Variants in PCDHA11 observed in about 807,000 individuals in gnomAD.
PCDHA11 encodes the protein protocadherin alpha-11.
PCDHA11 carries 61 observed loss-of-function variants against 70.3 expected under a neutral mutation model. The observed-to-expected ratio is 0.87, with a 90% CI of 0.71 to 1.07. The LOEUF (loss-of-function observed/expected upper bound fraction) is 1.07. Among genes scored for constraint, PCDHA11 ranks in the 50% least tolerant of loss-of-function variants. The pLI is 0.00. For missense variants in PCDHA11, 1,324 were observed against 1,237.5 expected (o/e 1.07, Z -1.05); for synonymous variants, 633 against 555.1 (o/e 1.14, Z -1.97).
intron 1 of PCDHA11, among the ~76,000 whole-genome samples, chr5:140,934,604 G>C (rs1389000917): frequency 6.6e-6 from 1 of 151,762 alleles, no homozygotes; most frequent in Non-Finnish European, 1.5e-5. Context: ...TCAACTATTT[G>C]ATTAGCCTGA....
At chr5:140,927,064 C>T (rs1409465902) in intron 1 of PCDHA11, 2 of 1,611,234 alleles carry the variant, frequency 1.2e-6, no homozygotes, top group Admixed American at 1.7e-5. Flanking sequence ...CTTTCGCTTC[C>T]TTTCCAGCCA....
chr5:140,920,612 G>A (rs1389841013), intron 1 of PCDHA11, among the ~76,000 whole-genome samples: 3 of 152,092 alleles, frequency 2.0e-5, no homozygotes, highest in Non-Finnish European at 2.9e-5. Flanking sequence ...TTGGGAGGCC[G>A]AGGCGGATGG....
intron 3 of PCDHA11, among the ~76,000 whole-genome samples, chr5:141,002,161 G>T (rs1554258540): frequency 6.6e-6 from 1 of 152,208 alleles, no homozygotes; most frequent in Non-Finnish European, 1.5e-5. Flanking sequence ...CAGAGTGGGC[G>T]GTAGGCAGGC....
chr5:140,969,418 TTAACAG>T (rs782375088), intron 1 of PCDHA11: 40 of 1,564,272 alleles, frequency 2.6e-5, no homozygotes, highest in Non-Finnish European at 3.4e-5. Context: ...TATTGAGTCA[TTAACAG>T]TGACAAGAGT....
intron 1 of PCDHA11, chr5:140,928,400 C>G: frequency 6.2e-7 from 1 of 1,614,038 alleles, no homozygotes; most frequent in Non-Finnish European, 8.5e-7. Flanking sequence ...GTGGAATCAT[C>G]CAGTGGGGCC....
At chr5:140,871,659 T>C (rs2153275031) in intron 1 of PCDHA11, 165 bp downstream of exon 1, 1 of 1,218,398 alleles carries the variant, frequency 8.2e-7, no homozygotes, top group Non-Finnish European at 1.1e-6. Context: ...GATACACATC[T>C]TCAGTCTTTT....
intron 3 of PCDHA11, among the ~76,000 whole-genome samples, chr5:141,006,105 G>GTT (rs79904017): frequency 1.9e-4 from 27 of 143,364 alleles, no homozygotes; most frequent in Middle Eastern, 3.8e-3. Flanking sequence ...ATGGTAAGGA[G>GTT]TTTTTTTTTT....
intron 1 of PCDHA11, chr5:140,884,310 G>C (rs1562802595): frequency 1.2e-6 from 2 of 1,613,792 alleles, no homozygotes; most frequent in African/African-American, 2.7e-5. Context: ...GCTTCGTCGA[G>C]GGCGTCGGCA....
intron 1 of PCDHA11, among the ~76,000 whole-genome samples, chr5:140,966,046 G>A (rs1329363755): frequency 6.6e-6 from 1 of 152,212 alleles, no homozygotes. Context: ...CCCATCGCCA[G>A]TAACCCCAGA....
rs145229632 is a variant in PCDHA11 at position 140,928,096 on chromosome 5, C to A, written c.2392-50853C>A. ...CTACTACAGCCTGCTGATTGATGGG[C>A]CCCTGGACCGGGAGCAGATCAGTGA... On this transcript the variant is annotated intron_variant, in intron 1 of 3. Coordinates refer to ENST00000398640, the MANE Select transcript of PCDHA11 (RefSeq NM_018902.5). 3.5e-5 allele frequency: 57 copies of A among 1,614,052 alleles called. No homozygotes were observed. In the African/African-American group the frequency reaches 6.8e-4, roughly 19 times the overall value.
At chr5:140,926,557 C>G (rs2083347198) in intron 1 of PCDHA11, 1 of 241,254 alleles carries the variant, frequency 4.1e-6, no homozygotes. Context: ...GACCCCAGCC[C>G]GCTGCTACTG....
intron 1 of PCDHA11, chr5:140,966,883 T>A (rs155364): frequency 0.52 from 832,487 of 1,587,228 alleles, 220,297 homozygotes; most frequent in African/African-American, 0.71. Flanking sequence ...TACCTGGCCC[T>A]GCGGCCTCCC....
chr5:140,925,947 G>A (rs1447488918), intron 1 of PCDHA11, among the ~76,000 whole-genome samples: 1 of 152,066 alleles, frequency 6.6e-6, no homozygotes, highest in Non-Finnish European at 1.5e-5. Flanking sequence ...CTTGGAGAAG[G>A]AGAAACTGCT....
intron 1 of PCDHA11, among the ~76,000 whole-genome samples, chr5:140,888,038 T>C (rs1195921370): frequency 3.3e-5 from 5 of 152,238 alleles, no homozygotes; most frequent in Non-Finnish European, 7.3e-5. Context: ...TATTAGTACA[T>C]GTATAATAGA....
intron 1 of PCDHA11, among the ~76,000 whole-genome samples, chr5:140,961,947 G>A (rs1183967245): frequency 6.6e-6 from 1 of 150,956 alleles, no homozygotes; most frequent in Non-Finnish European, 1.5e-5. Flanking sequence ...GCAGTGGCAT[G>A]ATCTCGGCTC....
chr5:140,982,741 T>C (rs2097000256), intron 3 of PCDHA11, among the ~76,000 whole-genome samples, 178 bp downstream of exon 3: 1 of 152,164 alleles, frequency 6.6e-6, no homozygotes, highest in Admixed American at 6.6e-5. Flanking sequence ...TACCTAATGC[T>C]CTTCAGGAGT....
At chr5:140,982,360 AG>A in intron 2 of PCDHA11, 114 bp from the exon 3 acceptor site, 1 of 1,527,158 alleles carries the variant, frequency 6.5e-7, no homozygotes, top group Non-Finnish European at 8.8e-7. Context: ...AAGCATGAGC[AG>A]AATGTGTTAG....
chr5:140,917,030 G>A (rs1220107705), intron 1 of PCDHA11, among the ~76,000 whole-genome samples: 3 of 152,164 alleles, frequency 2.0e-5, no homozygotes, highest in Non-Finnish European at 4.4e-5. Context: ...GCTGCTGGCT[G>A]AGTCCAGCAC....
At position 140,872,081 on chromosome 5, in the gene PCDHA11, C is replaced by A. The variant is rs559710022; in HGVS notation, c.2391+587C>A. ...TCCAGAGTAGCTGGGAATGCAGTGC[C>A]ACTGCACTTAGTCCATTGGCTTTCC... On this transcript the variant is annotated intron_variant, in intron 1 of 3. Transcript: ENST00000398640. Among the ~76,000 whole-genome samples the A allele has an allele frequency of 2.6e-5, 4 of 152,212 alleles. No individual in the cohort carries two copies. In the South Asian group the frequency reaches 8.3e-4, roughly 32 times the overall value.
Sources: allele counts gnomAD v4.1 joint callset (sites outside exome capture counted in the v4.1 genomes callset), GRCh38; gene constraint gnomAD v4.1.1; transcripts MANE v1.5; gene names NCBI Gene and HGNC (gene_info 2026-07-23, HGNC 2026-07-21).